The following PPIG variants were observed in gnomAD, a reference collection of about 807,000 sequenced individuals.
PPIG encodes peptidylprolyl isomerase G.
PPIG carries 26 observed loss-of-function variants against 87.9 expected under a neutral mutation model. The ratio of observed to expected loss-of-function variants is 0.30; its 90% CI spans 0.22 to 0.41. PPIG has a LOEUF of 0.41. Ranked by LOEUF, PPIG falls within the 10% of genes least tolerant of loss-of-function variation. The pLI, the probability that PPIG is intolerant of heterozygous loss-of-function variation, is 1.00. For missense variants in PPIG, 722 were observed against 879.4 expected, an observed-to-expected ratio of 0.82 and a Z score of 2.26; for synonymous variants, 308 against 276.5, an observed-to-expected ratio of 1.11 and a Z score of -1.13.
chr2:169,610,641 A>G (rs74326325), intron 7 of PPIG, among the ~76,000 whole-genome samples: 4 of 151,592 alleles, frequency 2.6e-5, no homozygotes, highest in Admixed American at 2.0e-4. Flanking sequence ...TAACCAACCT[A>G]ATTTCCAGTT....
At chr2:169,623,967 C>T (rs1293995474) in intron 9 of PPIG, among the ~76,000 whole-genome samples, 1 of 152,010 alleles carries the variant, frequency 6.6e-6, no homozygotes, top group African/African-American at 2.4e-5. Flanking sequence ...GGAGTTATTT[C>T]TGGTTTTGTT....
At chr2:169,635,322 T>C (rs1686153606) in intron 12 of PPIG, among the ~76,000 whole-genome samples, 1 of 152,226 alleles carries the variant, frequency 6.6e-6, no homozygotes, top group South Asian at 2.1e-4. Context: ...TGTTATGTAG[T>C]ACTACTTTCC....
chr2:169,631,697 A>G, intron 10 of PPIG, 69 bp from the exon 11 acceptor site: 1 of 1,600,056 alleles, frequency 6.2e-7, no homozygotes, highest in Non-Finnish European at 8.5e-7. Flanking sequence ...AGAAATACCA[A>G]CAATTGGATA....
intron 9 of PPIG, among the ~76,000 whole-genome samples, chr2:169,629,770 C>T (rs1409438741): frequency 6.6e-6 from 1 of 152,124 alleles, no homozygotes; most frequent in Non-Finnish European, 1.5e-5. Context: ...TATTTTAACA[C>T]TATAATTTCT....
intron 12 of PPIG, 78 bp from the exon 13 acceptor site, chr2:169,636,014 C>T: frequency 9.3e-7 from 1 of 1,072,374 alleles, no homozygotes; most frequent in Non-Finnish European, 1.3e-6. Context: ...CACCCCAGTA[C>T]TTCCCTCCCT....
Position 169,640,600 on chromosome 2 carries a change from G to T in PPIG, c.*3077G>T, listed in dbSNP as rs1686289375. 6.6e-6 allele frequency: 1 copy of T among 152,046 alleles called. No homozygotes were observed. Among genetic ancestry groups the T allele is most frequent in the Admixed American group, 6.6e-5 (1 of 15,244 alleles). The allele number at this position is 152,046 out of a possible 1,614,324, so 9.4% of individuals were successfully genotyped here. ...CTGATTTGTTATAAAGAAACAAAAT[G>T]GGTGTTCTTCTGTTTCCTTTTGATT... On this transcript the variant is annotated 3_prime_UTR_variant, in exon 14 of 14. Transcript: ENST00000260970.
At chr2:169,588,831 A>G (rs1684775863) in intron 1 of PPIG, among the ~76,000 whole-genome samples, 1 of 151,772 alleles carries the variant, frequency 6.6e-6, no homozygotes, top group South Asian at 2.1e-4. Flanking sequence ...ATGGTGGCGC[A>G]TGCCTGTAAT....
chr2:169,611,232 TAAAAAA>T (rs922275551), intron 7 of PPIG, among the ~76,000 whole-genome samples: 20 of 151,766 alleles, frequency 1.3e-4, no homozygotes, highest in Admixed American at 1.3e-3. Context: ...CTCTTCATTG[TAAAAAA>T]AGAAAAAGAA....
rs371094849 is a variant in PPIG at position 169,635,370 on chromosome 2, T to G, written c.1018-722T>G. Among the ~76,000 whole-genome samples, 16 of 152,316 alleles carry G rather than the reference T, an allele frequency of 1.1e-4. No individual in the cohort carries two copies. In the East Asian group the frequency reaches 1.3e-3, roughly 13 times the overall value. Reference sequence around the variant, plus strand: ...AGATTTGGCCATGTTTGGTCTGTCTTCTCATCATTTCTAAAGCATGCTATG... The same window carrying G: ...AGATTTGGCCATGTTTGGTCTGTCTGCTCATCATTTCTAAAGCATGCTATG... On this transcript the variant is annotated intron_variant, in intron 12 of 13. Transcript: ENST00000260970.
At chr2:169,621,974 C>T (rs1490471376) in intron 9 of PPIG, among the ~76,000 whole-genome samples, 1 of 151,104 alleles carries the variant, frequency 6.6e-6, no homozygotes. Flanking sequence ...GTAGTCCCTG[C>T]TACTTGGGAG....
chr2:169,637,348 A>G lies in PPIG; in HGVS notation c.2090A>G (p.Gln697Arg). The G allele has an allele frequency of 6.2e-7, 1 of 1,610,050 alleles. No homozygotes were observed. The highest frequency in any genetic ancestry group is 8.5e-7 in the Non-Finnish European group (1 of 1,179,228). Residue 697 changes from glutamine to arginine, a missense_variant, in exon 14 of 14, where the codon CAG (glutamine) becomes CGG (arginine). Coordinates refer to ENST00000260970, the MANE Select transcript of PPIG (RefSeq NM_004792.3). ...TTCTCAAAAATAAAACAAAGCAGTC[A>G]GGACAATGAATTAAAGTCCTCCATG... The part of the protein sequence containing the change: ...SPFSKIKQSS[Q>R]DNELKSSMLK...
At chr2:169,616,462 C>G (rs1685611607) in intron 9 of PPIG, among the ~76,000 whole-genome samples, 1 of 152,186 alleles carries the variant, frequency 6.6e-6, no homozygotes, top group South Asian at 2.1e-4. Flanking sequence ...ACACTCCCAC[C>G]AACAGTATAA....
intron 7 of PPIG, among the ~76,000 whole-genome samples, chr2:169,613,596 C>T (rs1356494834): frequency 6.6e-6 from 1 of 151,750 alleles, no homozygotes; most frequent in Non-Finnish European, 1.5e-5. Context: ...AATTTTTTTT[C>T]CCAACTCCTA....
chr2:169,613,738 G>A (rs1685547849), intron 7 of PPIG, among the ~76,000 whole-genome samples: 1 of 152,118 alleles, frequency 6.6e-6, no homozygotes, highest in African/African-American at 2.4e-5. Context: ...ACCAGCCTGG[G>A]CAACATAGTG....
At chr2:169,600,398 CAGCAGCACTAGTTG>C (rs1295060285) in intron 1 of PPIG, among the ~76,000 whole-genome samples, 1 of 152,160 alleles carries the variant, frequency 6.6e-6, no homozygotes, top group African/African-American at 2.4e-5. Context: ...ACATGTTAAA[CAGCAGCACTAGTTG>C]AGTACCTCTT....
At chr2:169,618,614 C>A (rs1685663555) in intron 9 of PPIG, among the ~76,000 whole-genome samples, 1 of 152,174 alleles carries the variant, frequency 6.6e-6, no homozygotes, top group African/African-American at 2.4e-5. Flanking sequence ...TTATCCATTT[C>A]TTCTAGATTT....
chr2:169,626,664 A>G (rs1185247165), intron 9 of PPIG, among the ~76,000 whole-genome samples: 1 of 151,628 alleles, frequency 6.6e-6, no homozygotes, highest in African/African-American at 2.4e-5. Flanking sequence ...TGCTGGGATT[A>G]TAGGCGTGAG....
intron 7 of PPIG, among the ~76,000 whole-genome samples, chr2:169,609,592 T>C (rs1363010697): frequency 1.3e-5 from 2 of 152,104 alleles, no homozygotes; most frequent in Admixed American, 6.6e-5. Context: ...ACTAGCCAAA[T>C]TAGGATAATT....
chr2:169,612,041 T>C (rs567159502), intron 7 of PPIG, among the ~76,000 whole-genome samples: 85 of 152,220 alleles, frequency 5.6e-4, no homozygotes, highest in Non-Finnish European at 1.0e-3. Flanking sequence ...AGTGGCACAA[T>C]CATAGCTCAC....
Sources: allele counts gnomAD v4.1 joint callset (sites outside exome capture counted in the v4.1 genomes callset), GRCh38; gene constraint gnomAD v4.1.1; transcripts MANE v1.5; gene names NCBI Gene and HGNC (gene_info 2026-07-23, HGNC 2026-07-21).